USP36: variants seen among roughly 807,000 people sequenced by gnomAD.
USP36 encodes ubiquitin carboxyl-terminal hydrolase 36.
USP36 carries 59 observed loss-of-function variants against 111.5 expected under a neutral mutation model. The ratio of observed to expected loss-of-function variants is 0.53; its 90% confidence interval spans 0.43 to 0.66. USP36 has a LOEUF of 0.66. Among genes scored for constraint, USP36 ranks in the 30% least tolerant of loss-of-function variants. The pLI, the probability that USP36 is intolerant of heterozygous loss-of-function variation, is 0.00. For synonymous variants in USP36, 628 were observed against 581.0 expected, an observed-to-expected ratio of 1.08 and a Z score of -1.16; for missense variants, 1,488 against 1,468.0, an observed-to-expected ratio of 1.01 and a Z score of -0.22.
At chr17:78,833,742 G>A (rs766736159) in intron 4 of USP36, among the ~76,000 whole-genome samples, 1 of 152,118 alleles carries the variant, frequency 6.6e-6, no homozygotes, top group Non-Finnish European at 1.5e-5. Context: ...GTTGCTTACA[G>A]TTTTTTAGAA....
rs530616110 is a variant in USP36 at position 78,803,602 on chromosome 17, T to A, written c.2593A>T (p.Thr865Ser). 26 of 1,612,730 alleles carry A rather than the reference T, an allele frequency of 1.6e-5. No homozygotes were observed. The highest frequency in any genetic ancestry group is 3.3e-4 in the Middle Eastern group (2 of 6,058). Residue 865 changes from threonine (T) to serine (S), a missense_variant, in exon 16 of 21, where the codon ACA becomes TCA. Thr to Ser is a moderately conservative substitution (Grantham distance 58). Transcript: ENST00000449938. The surrounding 1 kb of genome is among the most constrained non-coding windows in gnomAD (Gnocchi z 4.6). ...TAASALQEGQ[T>S]QRQPGSPMYR... is the part of the protein sequence containing the mutation. Reference sequence around the variant, plus strand: ...ATGGGGCTCCCAGGCTGTCTCTGTGTCTGCCCCTCCTGCAGGGCGCTGGCA... The same window carrying A: ...ATGGGGCTCCCAGGCTGTCTCTGTGACTGCCCCTCCTGCAGGGCGCTGGCA...
intron 7 of USP36, 85 bp from the exon 8 acceptor site, chr17:78,821,146 G>A: frequency 7.4e-7 from 1 of 1,356,676 alleles, no homozygotes; most frequent in South Asian, 1.3e-5. Context: ...CAGGGAGGCA[G>A]ACTCTCAGCA....
At position 78,806,939 on chromosome 17, in the gene USP36, CG is replaced by C; in HGVS notation, c.2085+19del. The C allele has an allele frequency of 1.2e-6, 2 of 1,610,696 alleles. No homozygotes were observed. The highest frequency in any genetic ancestry group is 8.5e-7 in the Non-Finnish European group (1 of 1,177,860). Reference sequence around the variant, plus strand: ...GAGCTCTCCTGATACACAGCAGCGGCGAGACCCCCACACACCCACCTTCTTG... The same window carrying C: ...GAGCTCTCCTGATACACAGCAGCGGCAGACCCCCACACACCCACCTTCTTG... On this transcript the variant is annotated intron_variant, in intron 14 of 20. Coordinates refer to ENST00000449938, the MANE Select transcript of USP36 (RefSeq NM_001385174.1).
chr17:78,805,349 A>G (rs1264853540), intron 15 of USP36, among the ~76,000 whole-genome samples: 1 of 152,198 alleles, frequency 6.6e-6, no homozygotes, highest in African/African-American at 2.4e-5. Flanking sequence ...ATCTTATGCT[A>G]GGTATAGGGC....
At chr17:78,828,008 G>C (rs2067731904) in intron 5 of USP36, among the ~76,000 whole-genome samples, 1 of 152,128 alleles carries the variant, frequency 6.6e-6, no homozygotes, top group African/African-American at 2.4e-5. Context: ...AGGATCGCTT[G>C]GAGCTGGGAG....
intron 3 of USP36, among the ~76,000 whole-genome samples, chr17:78,788,743 C>T (rs1206048501): frequency 3.3e-5 from 5 of 152,146 alleles, no homozygotes; most frequent in African/African-American, 1.2e-4. Context: ...GAACACCAGA[C>T]ACCAGGACAT....
chr17:78,795,231 G>C (rs1426624734), downstream of USP36, among the ~76,000 whole-genome samples: 1 of 152,182 alleles, frequency 6.6e-6, no homozygotes, highest in Non-Finnish European at 1.5e-5. The surrounding 1 kb of genome is among the most constrained non-coding windows in gnomAD (Gnocchi z 4.5). Flanking sequence ...TGCAGGAGCT[G>C]CCTCACCTCG....
At chr17:78,829,028 G>A in intron 4 of USP36, 21 bp from the exon 5 acceptor site, 2 of 1,605,808 alleles carry the variant, frequency 1.2e-6, no homozygotes, top group Non-Finnish European at 1.7e-6. Flanking sequence ...GGAAGGAGGA[G>A]CAATTTTAAG....
At chr17:78,815,801 T>C (rs886432095) in intron 10 of USP36, among the ~76,000 whole-genome samples, 5 of 151,650 alleles carry the variant, frequency 3.3e-5, no homozygotes, top group East Asian at 1.9e-4. Context: ...CATACATGCA[T>C]ACATACATCG....
chr17:78,823,592 C>T (rs1396315834), intron 6 of USP36, among the ~76,000 whole-genome samples: 1 of 152,156 alleles, frequency 6.6e-6, no homozygotes, highest in East Asian at 1.9e-4. Context: ...CACCCGGAAT[C>T]ACAGCTGCAA....
At chr17:78,827,496 A>G (rs1254296267) in intron 5 of USP36, 149 bp from the exon 6 acceptor site, 12 of 717,426 alleles carry the variant, frequency 1.7e-5, no homozygotes, top group Non-Finnish European at 2.5e-5. Flanking sequence ...AGAGCTCTAC[A>G]TGGATTTTCT....
At chr17:78,788,548 C>G (rs952384276) in intron 3 of USP36, among the ~76,000 whole-genome samples, 3 of 151,892 alleles carry the variant, frequency 2.0e-5, no homozygotes, top group Non-Finnish European at 4.4e-5. Context: ...GGGTGCCCAG[C>G]TTCCAGAAGG....
intron 18 of USP36, among the ~76,000 whole-genome samples, 167 bp downstream of exon 18, chr17:78,799,500 G>A (rs2144926040): frequency 6.6e-6 from 1 of 152,262 alleles, no homozygotes; most frequent in South Asian, 2.1e-4. Context: ...CCACGGCTGA[G>A]GGTTTAAAGA....
At chr17:78,799,884 T>TTTC (rs2093697971) in intron 17 of USP36, 116 bp from the exon 18 acceptor site, 1 of 539,512 alleles carries the variant, frequency 1.9e-6, no homozygotes, top group East Asian at 4.1e-5. Context: ...TGCCTTTTTT[T>TTTC]TTTTTTTTTT....
At chr17:78,824,321 T>G (rs2067336248) in intron 6 of USP36, among the ~76,000 whole-genome samples, 1 of 151,974 alleles carries the variant, frequency 6.6e-6, no homozygotes, top group Non-Finnish European at 1.5e-5. Flanking sequence ...AGCTAGGAAG[T>G]AAAGGGTACC....
At chr17:78,794,789 CA>C (rs2093609324), downstream of USP36, among the ~76,000 whole-genome samples, 1 of 152,066 alleles carries the variant, frequency 6.6e-6, no homozygotes, top group Admixed American at 6.6e-5. Context: ...AAGCGGATCA[CA>C]AGGTCAGGAG....
At position 78,803,466 on chromosome 17, in the gene USP36, G is replaced by A. The variant is rs545764041; in HGVS notation, c.2729C>T (p.Ala910Val). 87 of 1,614,008 alleles carry A rather than the reference G, an allele frequency of 5.4e-5. No individual in the cohort carries two copies. Among genetic ancestry groups the A allele is most frequent in the South Asian group, 2.3e-4 (21 of 91,076 alleles). ...QVGCVTDGHHASSRKRRRKGA... is the reference protein window; with the variant it reads ...QVGCVTDGHHVSSRKRRRKGA... ...TTTCCTCCTCCGCTTCCTGCTGCTC[G>A]CGTGGTGGCCGTCCGTAACACATCC... Residue 910 changes from alanine to valine, a missense_variant, in exon 16 of 21, where the codon GCG becomes GTG. Transcript: ENST00000449938. The surrounding 1 kb of genome is among the most constrained non-coding windows in gnomAD (Gnocchi z 4.6).
intron 5 of USP36, among the ~76,000 whole-genome samples, chr17:78,828,328 G>T (rs1317988295): frequency 1.3e-5 from 2 of 152,106 alleles, no homozygotes; most frequent in Non-Finnish European, 2.9e-5. Flanking sequence ...CCGGTAATAG[G>T]CCTCTTCTTT....
chr17:78,840,619 C>A (rs944671535), intron 1 of USP36, 117 bp downstream of exon 1: 4 of 152,408 alleles, frequency 2.6e-5, no homozygotes, highest in African/African-American at 9.7e-5. Context: ...CGCCCACGTT[C>A]TCCCTGAGCG....
Sources: allele counts gnomAD v4.1 joint callset (sites outside exome capture counted in the v4.1 genomes callset), GRCh38; gene constraint gnomAD v4.1.1; non-coding constraint Gnocchi (gnomAD v3.1); transcripts MANE v1.5; gene names NCBI Gene and HGNC (gene_info 2026-07-23, HGNC 2026-07-21).